The following RMDN2 variants were observed in gnomAD, a reference collection of about 807,000 sequenced individuals.
The protein encoded by RMDN2 is regulator of microtubule dynamics 2.
RMDN2 carries 61 observed loss-of-function variants against 52.8 expected under a neutral mutation model. That is an observed-to-expected ratio of 1.16 (90% confidence interval 0.94 to 1.43). The LOEUF is 1.43. Among genes scored for constraint, RMDN2 ranks in the 40% most tolerant of loss-of-function variants. RMDN2 has a pLI of 0.00. For synonymous variants in RMDN2, 180 were observed against 153.1 expected, an observed-to-expected ratio of 1.18 and a Z score of -1.30; for missense variants, 592 against 475.3, an observed-to-expected ratio of 1.25 and a Z score of -2.28.
chr2:38,061,822 T>C (rs1166135525), intron 10 of RMDN2, among the ~76,000 whole-genome samples: 3 of 152,234 alleles, frequency 2.0e-5, no homozygotes, highest in Admixed American at 6.5e-5. Flanking sequence ...TTAACACTTA[T>C]GACATTGAAT....
At position 37,982,750 on chromosome 2, in the gene RMDN2, G is replaced by T. The variant is rs1209295532; in HGVS notation, c.791+1407G>T. ...AGGTAACAATTTGGTACAGACTTAA[G>T]ATCATTTCCCTAGAACAGAGGGTCT... On this transcript the variant is annotated intron_variant, in intron 5 of 10. Transcript: ENST00000354545. Among the ~76,000 whole-genome samples, 4 of 152,116 alleles carry T rather than the reference G, an allele frequency of 2.6e-5. No homozygotes were observed. In the East Asian group the frequency reaches 7.7e-4, roughly 29 times the overall value.
At chr2:38,010,679 C>T in intron 10 of RMDN2, among the ~76,000 whole-genome samples, 1 of 152,164 alleles carries the variant, frequency 6.6e-6, no homozygotes, top group East Asian at 1.9e-4. Context: ...AATGTCTTGC[C>T]CAGCTTCGGC....
At chr2:38,045,432 T>C (rs1681212788) in intron 10 of RMDN2, among the ~76,000 whole-genome samples, 1 of 152,222 alleles carries the variant, frequency 6.6e-6, no homozygotes, top group Admixed American at 6.5e-5. Context: ...ATTCTATGCA[T>C]ATGTTTTTAA....
intron 2 of RMDN2, among the ~76,000 whole-genome samples, chr2:37,938,776 A>T (rs1228720394): frequency 6.6e-6 from 1 of 151,628 alleles, no homozygotes; most frequent in African/African-American, 2.4e-5. Context: ...TGTCTATTTG[A>T]GTCTTCTCTC....
At chr2:37,938,818 A>G (rs1411724829) in intron 2 of RMDN2, among the ~76,000 whole-genome samples, 3 of 151,978 alleles carry the variant, frequency 2.0e-5, no homozygotes, top group Non-Finnish European at 2.9e-5. Context: ...CTAGCGGTCT[A>G]TCTATTTTGT....
At chr2:37,972,744 C>G (rs1356693160) in intron 2 of RMDN2, among the ~76,000 whole-genome samples, 1 of 152,068 alleles carries the variant, frequency 6.6e-6, no homozygotes, top group Non-Finnish European at 1.5e-5. Flanking sequence ...GGAGAAGTGG[C>G]TAGATTCTGG....
rs1193905141 is a variant in RMDN2 at position 38,003,862 on chromosome 2, C to T, written c.1045-129C>T. On this transcript the variant is annotated intron_variant, in intron 8 of 10. Coordinates refer to ENST00000354545, the MANE Select transcript of RMDN2 (RefSeq NM_001170791.3). ...CTGATCAAGTGATTCAAATGTGAAA[C>T]AACCAACCTAAATTCTTAGGGCAGT... 1.5e-5 allele frequency: 11 copies of T among 716,832 alleles called. No individual in the cohort carries two copies. The Admixed American group carries it at 1.8e-4, about 12-fold the overall frequency. 44.4% of individuals were successfully genotyped at this position (716,832 alleles called of 1,614,324 possible). A position where few individuals can be genotyped will look rare whatever the true frequency, so the allele number is the denominator to read the frequency against.
At chr2:38,020,366 C>G (rs554664811), downstream of RMDN2, among the ~76,000 whole-genome samples, 13 of 152,316 alleles carry the variant, frequency 8.5e-5, no homozygotes, top group East Asian at 2.3e-3. Context: ...GCTGGCAGCC[C>G]TCGCTCGCTC....
chr2:37,972,924 G>A (rs1311154402), intron 2 of RMDN2, among the ~76,000 whole-genome samples: 1 of 152,208 alleles, frequency 6.6e-6, no homozygotes, highest in African/African-American at 2.4e-5. Flanking sequence ...AGTTCATACA[G>A]TATCTTCTTT....
chr2:37,922,295 T>G (rs1010519650), upstream of RMDN2, among the ~76,000 whole-genome samples: 4 of 152,060 alleles, frequency 2.6e-5, no homozygotes, highest in East Asian at 1.9e-4. Flanking sequence ...TGATAAGATT[T>G]GGAAATAACA....
chr2:38,065,819 T>C (rs35271046), intron 10 of RMDN2, among the ~76,000 whole-genome samples: 2,348 of 152,288 alleles, frequency 0.015, 79 homozygotes, highest in African/African-American at 0.054. Flanking sequence ...TGACTGCTTG[T>C]TTGTTTGGCT....
intron 4 of RMDN2, among the ~76,000 whole-genome samples, chr2:37,980,336 C>G (rs755171181): frequency 6.6e-6 from 1 of 152,120 alleles, no homozygotes; most frequent in Non-Finnish European, 1.5e-5. Flanking sequence ...CAGAGTCTCG[C>G]TCTGTCCCCC....
intron 2 of RMDN2, among the ~76,000 whole-genome samples, chr2:37,956,753 C>T (rs1275200861): frequency 6.6e-6 from 1 of 151,932 alleles, no homozygotes; most frequent in African/African-American, 2.4e-5. Flanking sequence ...GTTTGCTGCA[C>T]CCATCAACCC....
In RMDN2 at chr2:37,951,823, T is replaced by G. The variant is rs201742730; in HGVS notation, c.452+22094T>G. The G allele has an allele frequency of 2.3e-4, 372 of 1,613,766 alleles. 2 individuals are homozygous for G. The South Asian group carries it at 3.9e-3, about 17-fold the overall frequency. ...ACTTCTCCAGCCTTTGGGAACACTA[T>G]TGATACAGCCTCCTATCAACAAAGC... is the stretch of plus-strand genomic sequence containing the variant. On this transcript the variant is annotated intron_variant, in intron 2 of 10. Coordinates refer to ENST00000354545, the MANE Select transcript of RMDN2 (RefSeq NM_001170791.3).
downstream of RMDN2, among the ~76,000 whole-genome samples, chr2:38,021,701 C>T (rs1280646764): frequency 1.3e-5 from 2 of 152,204 alleles, no homozygotes; most frequent in Non-Finnish European, 1.5e-5. Context: ...AACGTACATC[C>T]CTCACATGCA....
intron 10 of RMDN2, among the ~76,000 whole-genome samples, chr2:38,062,850 G>C (rs537439901): frequency 7.3e-6 from 1 of 136,676 alleles, no homozygotes; most frequent in African/African-American, 2.7e-5. Context: ...TCCCACCTAT[G>C]AGTGAGAACA....
intron 7 of RMDN2, among the ~76,000 whole-genome samples, chr2:37,997,172 CA>C (rs1675668184): frequency 6.6e-6 from 1 of 152,078 alleles, no homozygotes; most frequent in African/African-American, 2.4e-5. Flanking sequence ...GTTTTGAAAC[CA>C]GTGCTTCTGG....
At chr2:37,950,684 T>C in intron 2 of RMDN2, 1 of 1,277,100 alleles carries the variant, frequency 7.8e-7, no homozygotes, top group South Asian at 1.2e-5. Context: ...TTGTTTCCCA[T>C]AATAACTGGA....
intron 10 of RMDN2, among the ~76,000 whole-genome samples, chr2:38,066,474 ATAAC>A (rs1391071333): frequency 6.6e-6 from 1 of 152,196 alleles, no homozygotes; most frequent in Admixed American, 6.5e-5. Flanking sequence ...TCTGAGATTT[ATAAC>A]TAATAGACTG....
Sources: gnomAD v4.1 joint callset for allele counts (sites outside exome capture counted in the v4.1 genomes callset) on GRCh38, gnomAD v4.1.1 for gene constraint, MANE v1.5 for transcripts, NCBI Gene and HGNC (gene_info 2026-07-23, HGNC 2026-07-21) for gene names.